Variants in ZFX observed in about 807,000 individuals in gnomAD.
The protein encoded by ZFX is zinc finger protein X-linked.
For synonymous variants in ZFX, 196 were observed against 226.8 expected, an observed-to-expected ratio of 0.86 and a Z score of 1.22; for missense variants, 362 against 628.3, an observed-to-expected ratio of 0.58 and a Z score of 4.53.
chrX:24,189,748 C>T (rs1324198729), intron 5 of ZFX, among the ~76,000 whole-genome samples: 1 of 110,421 alleles, frequency 9.1e-6, no homozygotes, highest in Non-Finnish European at 1.9e-5. Flanking sequence ...AGTCCAAACT[C>T]CTATCTTTAA....
Position 24,211,411 on chromosome X carries a change from C to T in ZFX, c.*35C>T. 8.4e-7 allele frequency: 1 copy of T among 1,191,003 alleles called. No individual in the cohort carries two copies. The highest frequency in any genetic ancestry group is 1.1e-6 in the Non-Finnish European group (1 of 879,996). On this transcript the variant is annotated 3_prime_UTR_variant, in exon 10 of 10. Coordinates refer to ENST00000304543, the MANE Select transcript of ZFX (RefSeq NM_003410.4). The stretch of plus-strand genomic sequence containing the variant: ...TACAGAACGTTTGTAGAGATATTGG[C>T]CTTGAAGCAGAAAATTCATTTTAAA...
At chrX:24,170,634 G>A (rs60782128) in intron 3 of ZFX, among the ~76,000 whole-genome samples, 951 of 85,364 alleles carry the variant, frequency 0.011, 27 homozygotes, top group African/African-American at 0.041. Flanking sequence ...TTTTTGAGAC[G>A]GAGTGTTGCT....
chrX:24,156,740 C>T (rs771287729), intron 3 of ZFX, among the ~76,000 whole-genome samples: 124 of 104,481 alleles, frequency 1.2e-3, no homozygotes, highest in Non-Finnish European at 1.7e-3. Flanking sequence ...CTGCAAGCTT[C>T]ACCTCCTGGG....
At chrX:24,188,253 A>G (rs919518386) in intron 5 of ZFX, among the ~76,000 whole-genome samples, 5 of 110,409 alleles carry the variant, frequency 4.5e-5, no homozygotes, top group South Asian at 7.7e-4. Context: ...CTGAAGTTCT[A>G]TGGAAGCTCA....
chrX:24,152,496 A>G (rs2704817), intron 2 of ZFX, among the ~76,000 whole-genome samples: 51,016 of 109,681 alleles, frequency 0.47, 8,617 homozygotes, highest in South Asian at 0.79. Context: ...CAGTTTTTCC[A>G]TTTTTCTAGA....
intron 3 of ZFX, among the ~76,000 whole-genome samples, chrX:24,167,386 C>G (rs1244527616): frequency 9.0e-6 from 1 of 111,417 alleles, no homozygotes; most frequent in Non-Finnish European, 1.9e-5. Flanking sequence ...GAATATAACT[C>G]TAGTCTGGAC....
intron 3 of ZFX, among the ~76,000 whole-genome samples, chrX:24,160,279 ATT>A (rs1354808483): frequency 9.8e-6 from 1 of 102,491 alleles, no homozygotes; most frequent in Non-Finnish European, 2.0e-5. Flanking sequence ...ATTGGATGCT[ATT>A]TAAAAAAATT....
chrX:24,154,798 T>C (rs2520334), intron 3 of ZFX, among the ~76,000 whole-genome samples: 38,809 of 110,783 alleles, frequency 0.35, 4,933 homozygotes, highest in South Asian at 0.64. Flanking sequence ...AAAATAAATA[T>C]GCAGCCATAA....
chrX:24,205,581 G>A (rs1304626305), intron 5 of ZFX, among the ~76,000 whole-genome samples: 3 of 112,415 alleles, frequency 2.7e-5, no homozygotes, highest in Non-Finnish European at 5.6e-5. Flanking sequence ...TTGGCTGGGC[G>A]TGGTGGCTCA....
At chrX:24,195,601 C>T (rs949381964) in intron 5 of ZFX, among the ~76,000 whole-genome samples, 8 of 111,292 alleles carry the variant, frequency 7.2e-5, no homozygotes, top group East Asian at 2.8e-4. Flanking sequence ...ATGATCCGCC[C>T]GCCTCGGCCT....
intron 8 of ZFX, 51 bp from the exon 9 acceptor site, chrX:24,208,849 C>A: frequency 9.0e-7 from 1 of 1,112,987 alleles, no homozygotes; most frequent in Admixed American, 2.8e-5. Flanking sequence ...ATTCCTAATT[C>A]TTTAAAATTT....
chrX:24,151,319 C>T (rs1255586736), intron 1 of ZFX: 2 of 111,513 alleles, frequency 1.8e-5, no homozygotes, highest in East Asian at 5.6e-4. Flanking sequence ...ACTGGGATTT[C>T]CGAGGGAAGC....
At chrX:24,210,067 A>T in intron 9 of ZFX, 126 bp from the exon 10 acceptor site, 3 of 860,264 alleles carry the variant, frequency 3.5e-6, no homozygotes, top group Non-Finnish European at 4.9e-6. Flanking sequence ...AAGGAATGTT[A>T]AGCAGCAAAT....
At chrX:24,170,382 C>G (rs1934459779) in intron 3 of ZFX, among the ~76,000 whole-genome samples, 1 of 109,300 alleles carries the variant, frequency 9.1e-6, no homozygotes, top group Non-Finnish European at 1.9e-5. Flanking sequence ...GTCTCGAACT[C>G]CTGACCTCAG....
intron 1 of ZFX, chrX:24,150,120 G>C (rs1931821420): frequency 9.7e-6 from 1 of 103,240 alleles, no homozygotes; most frequent in Non-Finnish European, 2.0e-5. Flanking sequence ...GGCGAAGGCT[G>C]CAGGCGTGAG....
chrX:24,170,290 G>A (rs1466043445), intron 3 of ZFX, among the ~76,000 whole-genome samples: 9 of 108,307 alleles, frequency 8.3e-5, no homozygotes, highest in Non-Finnish European at 3.8e-5. Context: ...CTGAGTAGCT[G>A]GGATTACAGG....
At position 24,173,507 on chromosome X, in the gene ZFX, A is replaced by G. The variant is rs984636559; in HGVS notation, c.58+707A>G. On this transcript the variant is annotated intron_variant, in intron 4 of 9. Coordinates refer to ENST00000304543, the MANE Select transcript of ZFX (RefSeq NM_003410.4). ...TCAGGAAGTTCTAAAAATAGGAAAA[A>G]AAACAGTATTAGAAAACATGTATTT... is the stretch of plus-strand genomic sequence containing the variant. The G allele has an allele frequency of 9.6e-6, 10 of 1,041,738 alleles. No individual in the cohort carries two copies. In the Middle Eastern group the frequency reaches 1.1e-3, roughly 119 times the overall value. The allele number at this position is 1,041,738 out of a possible 1,213,427, so 85.9% of individuals were successfully genotyped here. A position where few individuals can be genotyped will look rare whatever the true frequency, so the allele number is the denominator to read the frequency against.
At chrX:24,187,761 A>C (rs1224401377) in intron 5 of ZFX, among the ~76,000 whole-genome samples, 1 of 111,977 alleles carries the variant, frequency 8.9e-6, no homozygotes, top group Non-Finnish European at 1.9e-5. Context: ...GTTGGAGATA[A>C]ACAGCAAAGT....
chrX:24,201,175 A>G lies in ZFX; in HGVS notation c.647-6151A>G, dbSNP rs1478184606. Reference sequence around the variant, plus strand: ...AAAGTGTCTTTTTTAAAGATAAATCATTCCTGTAACATTTCATATTCAGAA... The same window carrying G: ...AAAGTGTCTTTTTTAAAGATAAATCGTTCCTGTAACATTTCATATTCAGAA... On this transcript the variant is annotated intron_variant, in intron 5 of 9. Coordinates refer to ENST00000304543, the MANE Select transcript of ZFX (RefSeq NM_003410.4). Among the ~76,000 whole-genome samples, 3 of 112,453 alleles carry G rather than the reference A, an allele frequency of 2.7e-5. No homozygotes were observed. The East Asian group carries it at 8.3e-4, about 31-fold the overall frequency.
Sources: allele counts gnomAD v4.1 joint callset (sites outside exome capture counted in the v4.1 genomes callset), GRCh38; gene constraint gnomAD v4.1.1; transcripts MANE v1.5; gene names NCBI Gene and HGNC (gene_info 2026-07-23, HGNC 2026-07-21).